CPLANE1: variants seen among roughly 807,000 people sequenced by gnomAD.
CPLANE1 encodes ciliogenesis and planar polarity effector complex subunit 1.
Under a neutral mutation model 362.5 loss-of-function variants are expected in CPLANE1, and 263 were observed. The observed-to-expected ratio is 0.73, with a 90% CI of 0.66 to 0.80. CPLANE1 has a LOEUF of 0.80. CPLANE1 is among the 30% of genes least tolerant of loss of function. The pLI is 0.00. For synonymous variants in CPLANE1, 1,212 were observed against 1,302.6 expected (o/e 0.93, Z 1.50); for missense variants, 3,461 against 3,793.4 (o/e 0.91, Z 2.30).
Position 37,198,839 on chromosome 5 carries a change from C to T in CPLANE1, c.3535G>A (p.Ala1179Thr). The change falls in exon 20 of 53, where the codon GCT becomes ACT. Residue 1179 changes from alanine (A) to threonine (T), a missense_variant. Transcript: ENST00000651892. ...ACCTTCTGGCGATTATTTTTTTCAGCTTTTAAAAGAAGATCATCACCATCT... is the reference window on the plus strand; with the variant it reads ...ACCTTCTGGCGATTATTTTTTTCAGTTTTTAAAAGAAGATCATCACCATCT... The part of the protein sequence containing the change: ...EEDGDDLLLK[A>T]EKNNRQKVSG... 6.2e-7 allele frequency: 1 copy of T among 1,613,784 alleles called. No individual in the cohort carries two copies. Among genetic ancestry groups the T allele is most frequent in the Non-Finnish European group, 8.5e-7 (1 of 1,179,932 alleles).
At chr5:37,236,275 T>G (rs902829030) in intron 8 of CPLANE1, among the ~76,000 whole-genome samples, 1 of 152,114 alleles carries the variant, frequency 6.6e-6, no homozygotes, top group African/African-American at 2.4e-5. Flanking sequence ...TAAAGCCACA[T>G]AGCTACAACC....
chr5:37,108,353 G>C lies in CPLANE1; in HGVS notation c.9519C>G (p.Pro3173=). ...TATGGATTTCTGAAGGTATCGTCCA[G>C]GGACTCACCACAGTCTCCTCTCTTT... ...EYEREETVVS[P]WTIPSEIHKI... Residue 3173 remains proline, a synonymous_variant, in exon 52 of 53, where the codon CCC becomes CCG. Transcript: ENST00000651892. 1.9e-6 allele frequency: 3 copies of C among 1,614,178 alleles called. No homozygotes were observed. The highest frequency in any genetic ancestry group is 2.5e-6 in the Non-Finnish European group (3 of 1,180,006).
intron 46 of CPLANE1, 78 bp from the exon 47 acceptor site, chr5:37,125,487 T>C: frequency 7.2e-7 from 1 of 1,387,804 alleles, no homozygotes; most frequent in Non-Finnish European, 9.9e-7. Flanking sequence ...CTAAACACTA[T>C]TTATCCGGAA....
At chr5:37,175,543 A>G (rs2151030525) in intron 31 of CPLANE1, among the ~76,000 whole-genome samples, 1 of 152,350 alleles carries the variant, frequency 6.6e-6, no homozygotes, top group East Asian at 1.9e-4. Context: ...TGTTCAAAAG[A>G]ACCGGATGAG....
Position 37,138,704 on chromosome 5 carries a change from A to T in CPLANE1, c.8792+16T>A, listed in dbSNP as rs748010513. 6.3e-7 allele frequency: 1 copy of T among 1,596,712 alleles called. No homozygotes were observed. Among genetic ancestry groups the T allele is most frequent in the African/African-American group, 1.4e-5 (1 of 73,954 alleles). ...AGCATTTTAAACAGGTTAAAAATGAATTATTCAATGATTACCTGGAGGTGC... is the reference window on the plus strand; with the variant it reads ...AGCATTTTAAACAGGTTAAAAATGATTTATTCAATGATTACCTGGAGGTGC... On this transcript the variant is annotated intron_variant, in intron 46 of 52. Coordinates refer to ENST00000651892, the MANE Select transcript of CPLANE1 (RefSeq NM_001384732.1).
chr5:37,142,135 C>A (rs890929201), intron 44 of CPLANE1, 175 bp downstream of exon 44: 56 of 1,199,368 alleles, frequency 4.7e-5, no homozygotes, highest in Non-Finnish European at 5.9e-5. Flanking sequence ...ATGAAGGTGA[C>A]AAGATGTCAC....
chr5:37,081,140 C>T, the CPLANE1 span, among the ~76,000 whole-genome samples: 1 of 152,020 alleles, frequency 6.6e-6, no homozygotes, highest in South Asian at 2.1e-4. Context: ...GATCCTGTCT[C>T]ATAAGTAAAT....
rs1314342926 is a variant in CPLANE1 at position 37,180,032 on chromosome 5, T to C, written c.5722A>G (p.Ile1908Val). 3.2e-6 allele frequency: 5 copies of C among 1,557,120 alleles called. No individual in the cohort carries two copies. Among genetic ancestry groups the C allele is most frequent in the Non-Finnish European group, 3.5e-6 (4 of 1,155,606 alleles). The change falls in exon 28 of 53, where the codon ATA becomes GTA. Residue 1908 changes from isoleucine (I) to valine (V), a missense_variant. Transcript: ENST00000651892. The part of the protein sequence containing the change: ...AFTEEEMDMH[I>V]SDYEEDIEES... Reference sequence around the variant, plus strand: ...ATGAACTGACCTTCATAGTCTGATATGTGCATATCCATTTCCTCTTCTGTA... The same window carrying C: ...ATGAACTGACCTTCATAGTCTGATACGTGCATATCCATTTCCTCTTCTGTA...
chr5:37,108,474 T>TTTAA lies in CPLANE1; in HGVS notation c.9401-7_9401-4dup, dbSNP rs762786245. On this transcript the variant is annotated splice_region_variant and splice_polypyrimidine_tract_variant and intron_variant, in intron 51 of 52. Coordinates refer to ENST00000651892, the MANE Select transcript of CPLANE1 (RefSeq NM_001384732.1). ...ACTATGACACGGAGCATTAGAGCCT[T>TTTAA]TTAAGGGATAAGAACAAAGCACACA... is the stretch of plus-strand genomic sequence containing the variant. The TTTAA allele has an allele frequency of 1.2e-6, 2 of 1,610,482 alleles. No homozygotes were observed. The highest frequency in any genetic ancestry group is 1.7e-6 in the Non-Finnish European group (2 of 1,178,984).
chr5:37,169,999 G>T (rs771491297), intron 33 of CPLANE1, 42 bp downstream of exon 33: 2 of 1,578,792 alleles, frequency 1.3e-6, no homozygotes, highest in Admixed American at 3.4e-5. Context: ...ACAGACATGA[G>T]CCACCGCGCC....
chr5:37,227,711 G>A lies in CPLANE1; in HGVS notation c.1228C>T (p.Pro410Ser), dbSNP rs868424448. 1 of 1,551,456 alleles carries A rather than the reference G, an allele frequency of 6.4e-7. No homozygotes were observed. Among genetic ancestry groups the A allele is most frequent in the South Asian group, 1.2e-5 (1 of 84,052 alleles). The change falls in exon 10 of 53, where the codon CCC (proline) becomes TCC (serine). Residue 410 changes from proline (P) to serine (S), a missense_variant. By Grantham distance (74) the Pro-to-Ser change is moderately conservative (BLOSUM62 -1). Transcript: ENST00000651892. ...RFSIKAHSRLPYLVISDGYMV... is the reference protein window; with the variant it reads ...RFSIKAHSRLSYLVISDGYMV... ...TATCCATCAGATATAACGAGGTAGG[G>A]TAACCGTGAGTGTGCTTTTATAGAA...
At chr5:37,187,624 CA>C in intron 22 of CPLANE1, 52 bp from the exon 23 acceptor site, 1 of 1,571,460 alleles carries the variant, frequency 6.4e-7, no homozygotes, top group African/African-American at 1.4e-5. Flanking sequence ...GATGGTAGAC[CA>C]GAATGAGTTC....
At chr5:37,081,418 G>A in the CPLANE1 span, among the ~76,000 whole-genome samples, 1 of 152,104 alleles carries the variant, frequency 6.6e-6, no homozygotes, top group African/African-American at 2.4e-5. Flanking sequence ...CACCTCCCGA[G>A]TTCAAGTGAT....
chr5:37,211,947 C>A (rs1361359541), intron 16 of CPLANE1: 20 of 825,834 alleles, frequency 2.4e-5, no homozygotes, highest in South Asian at 4.0e-5. Context: ...TGCTGTGCCC[C>A]TCTCATATCA....
chr5:37,189,772 G>A (rs967064766), intron 21 of CPLANE1, among the ~76,000 whole-genome samples: 1 of 152,198 alleles, frequency 6.6e-6, no homozygotes, highest in African/African-American at 2.4e-5. Flanking sequence ...GACGAGGTGG[G>A]TGTATCACCT....
Position 37,226,757 on chromosome 5 carries a change from T to A in CPLANE1, c.1838A>T (p.Lys613Ile), listed in dbSNP as rs1796553536. Reference sequence around the variant, plus strand: ...AAGATCAAGTTTAGGAAAAGGACATTTTATAAATTGAAGAATGTAAAAAAA... The same window carrying A: ...AAGATCAAGTTTAGGAAAAGGACATATTATAAATTGAAGAATGTAAAAAAA... ...THFFYILQFI[K>I]CPFPKLDLVL... Residue 613 changes from lysine to isoleucine, a missense_variant, in exon 12 of 53, where the codon AAA becomes ATA. Lys to Ile is a moderately radical substitution (Grantham distance 102). Around this residue, in one of 2 missense-constraint regions of CPLANE1, gnomAD observed 3,380 missense variants for 3,666.1 expected, o/e 0.92. Coordinates refer to ENST00000651892, the MANE Select transcript of CPLANE1 (RefSeq NM_001384732.1). The A allele has an allele frequency of 6.5e-7, 1 of 1,543,152 alleles. No homozygotes were observed.
chr5:37,187,348 A>G, intron 23 of CPLANE1, 66 bp downstream of exon 23: 1 of 1,310,340 alleles, frequency 7.6e-7, no homozygotes. Flanking sequence ...CTTAATTAAA[A>G]TTAAATAAAA....
At chr5:37,152,687 G>T (rs892896201) in intron 42 of CPLANE1, among the ~76,000 whole-genome samples, 5 of 152,022 alleles carry the variant, frequency 3.3e-5, no homozygotes, top group Non-Finnish European at 5.9e-5. Context: ...AGAATTCAAG[G>T]CTAGTTCAAG....
At chr5:37,231,087 C>G (rs764068453) in intron 8 of CPLANE1, 38 bp from the exon 9 acceptor site, 452 of 1,415,282 alleles carry the variant, frequency 3.2e-4, no homozygotes, top group Non-Finnish European at 2.5e-4. Context: ...AGAAGAGATA[C>G]TTTACAATGT....
Sources: gnomAD v4.1 joint callset for allele counts (sites outside exome capture counted in the v4.1 genomes callset) on GRCh38, gnomAD v4.1.1 for gene constraint, gnomAD v4.1.1 regional missense constraint, MANE v1.5 for transcripts, NCBI Gene and HGNC (gene_info 2026-07-23, HGNC 2026-07-21) for gene names.